The following CWC25 variants were observed in gnomAD, a reference collection of about 807,000 sequenced individuals.
The protein encoded by CWC25 is CWC25 spliceosome associated protein, also known as pre-mRNA-splicing factor CWC25 homolog.
Under a neutral mutation model 54.6 loss-of-function variants are expected in CWC25, and 31 were observed. That is an observed-to-expected ratio of 0.57 (90% CI 0.43 to 0.77). CWC25 has a LOEUF of 0.77. CWC25 is among the 30% of genes least tolerant of loss of function. The pLI is 0.00. For synonymous variants in CWC25, 151 were observed against 187.0 expected, an observed-to-expected ratio of 0.81 and a Z score of 1.57; for missense variants, 453 against 529.3, an observed-to-expected ratio of 0.86 and a Z score of 1.41.
chr17:38,822,934 T>C (rs986234396), intron 1 of CWC25, among the ~76,000 whole-genome samples: 14 of 149,522 alleles, frequency 9.4e-5, no homozygotes, highest in Non-Finnish European at 1.9e-4. Flanking sequence ...ACCTTCCAGG[T>C]TCACGCCATT....
intron 6 of CWC25, among the ~76,000 whole-genome samples, 164 bp downstream of exon 6, chr17:38,809,538 C>T (rs1911400939): frequency 6.6e-6 from 1 of 152,116 alleles, no homozygotes; most frequent in African/African-American, 2.4e-5. Flanking sequence ...GGTTTAGTCT[C>T]TCTGCTCAGA....
intron 3 of CWC25, among the ~76,000 whole-genome samples, 161 bp downstream of exon 3, chr17:38,814,700 C>T (rs887803114): frequency 7.0e-6 from 1 of 143,396 alleles, no homozygotes; most frequent in Non-Finnish European, 1.5e-5. Flanking sequence ...GAGCAGAGAT[C>T]GCGCCACTGC....
chr17:38,810,497 G>A lies in CWC25; in HGVS notation c.597C>T (p.Ser199=), dbSNP rs748558854. 6.9e-6 allele frequency: 11 copies of A among 1,605,270 alleles called. No homozygotes were observed. Among genetic ancestry groups the A allele is most frequent in the Admixed American group, 3.4e-5 (2 of 58,848 alleles). Reference sequence around the variant, plus strand: ...CTGCACTGTGCTCATCCTCGCTGCTGGAACGATCACTACTCGAGCTTCTGT... The same window carrying A: ...CTGCACTGTGCTCATCCTCGCTGCTAGAACGATCACTACTCGAGCTTCTGT... ...HKHRSSSSDR[S]SSEDEHSAGR... is the part of the protein sequence containing the mutation. Residue 199 remains serine, a synonymous_variant, in exon 5 of 10, where the codon TCC becomes TCT. Coordinates refer to ENST00000614790, the MANE Select transcript of CWC25 (RefSeq NM_017748.5).
intron 1 of CWC25, 95 bp downstream of exon 1, chr17:38,825,071 G>T: frequency 8.5e-7 from 1 of 1,177,518 alleles, no homozygotes; most frequent in Non-Finnish European, 1.2e-6. Context: ...GCAAAGCTGC[G>T]TTGCCATGGT....
At chr17:38,816,704 A>T (rs535689705) in intron 2 of CWC25, among the ~76,000 whole-genome samples, 127 of 150,486 alleles carry the variant, frequency 8.4e-4, no homozygotes, top group African/African-American at 3.0e-3. Flanking sequence ...TTTTTCCCCC[A>T]GACAGAGTTT....
chr17:38,808,497 G>A (rs1911347378), intron 6 of CWC25, among the ~76,000 whole-genome samples: 1 of 135,880 alleles, frequency 7.4e-6, no homozygotes, highest in African/African-American at 2.7e-5. Flanking sequence ...ACAGAAATAT[G>A]AGGCCAGGCA....
chr17:38,815,747 A>C (rs1450965760), intron 2 of CWC25: 14 of 1,151,154 alleles, frequency 1.2e-5, no homozygotes, highest in Non-Finnish European at 1.5e-5. Flanking sequence ...ATGACCTAAA[A>C]CAATGAATAA....
At chr17:38,824,862 C>G (rs1302569844) in intron 1 of CWC25, among the ~76,000 whole-genome samples, 1 of 152,076 alleles carries the variant, frequency 6.6e-6, no homozygotes, top group Non-Finnish European at 1.5e-5. Context: ...TATCTACCTC[C>G]TTTCCTAGCC....
intron 2 of CWC25, among the ~76,000 whole-genome samples, chr17:38,819,010 T>TTTCC (rs1911816243): frequency 8.5e-6 from 1 of 117,048 alleles, no homozygotes; most frequent in Non-Finnish European, 2.0e-5. Context: ...AAAATCAATT[T>TTTCC]TTACTTATTT....
intron 5 of CWC25, among the ~76,000 whole-genome samples, chr17:38,810,053 G>C (rs973972300): frequency 2.0e-5 from 3 of 151,972 alleles, no homozygotes; most frequent in African/African-American, 7.3e-5. Context: ...CTCAGCAGCG[G>C]CGGAGCTGAC....
intron 2 of CWC25, chr17:38,815,655 C>T: frequency 7.8e-7 from 1 of 1,288,472 alleles, no homozygotes; most frequent in Non-Finnish European, 1.0e-6. Context: ...AACCAGTGTT[C>T]CTCAACATGG....
chr17:38,810,060 T>C (rs982668737), intron 5 of CWC25, among the ~76,000 whole-genome samples: 2 of 152,090 alleles, frequency 1.3e-5, no homozygotes, highest in Admixed American at 1.3e-4. Context: ...GCGGCGGAGC[T>C]GACTGCTTCC....
At chr17:38,808,862 C>T (rs1911362416) in intron 6 of CWC25, among the ~76,000 whole-genome samples, 1 of 150,658 alleles carries the variant, frequency 6.6e-6, no homozygotes, top group Non-Finnish European at 1.5e-5. Context: ...AGGAGAATTG[C>T]TTGAACCCAG....
chr17:38,803,554 G>A (rs561844435), intron 8 of CWC25, among the ~76,000 whole-genome samples: 34 of 151,928 alleles, frequency 2.2e-4, no homozygotes, highest in South Asian at 6.2e-4. Flanking sequence ...CGCTTGAACC[G>A]AGGAGGCGGA....
chr17:38,813,216 C>G (rs1258673899), intron 3 of CWC25, among the ~76,000 whole-genome samples: 1 of 151,554 alleles, frequency 6.6e-6, no homozygotes. Flanking sequence ...AATCCCAGCA[C>G]TTTGGGAGGC....
Position 38,810,165 on chromosome 17 carries a change from G to A in CWC25, c.626+303C>T, listed in dbSNP as rs191024583. On this transcript the variant is annotated intron_variant, in intron 5 of 9. Coordinates refer to ENST00000614790, the MANE Select transcript of CWC25 (RefSeq NM_017748.5). ...TTCAGTCTTGAAGGAATCCTAAGCT[G>A]AGATGAAACAGAGTCACCCCCAGGA... is the stretch of plus-strand genomic sequence containing the variant. The A allele has an allele frequency of 2.3e-5, 10 of 440,788 alleles. No homozygotes were observed. The Admixed American group carries it at 3.2e-4, about 14-fold the overall frequency. 27.3% of individuals were successfully genotyped at this position (440,788 alleles called of 1,614,324 possible).
chr17:38,800,950 ATTT>A lies in CWC25; in HGVS notation c.*1139_*1141del, dbSNP rs1207377148. ...AGGCGCCCGCCACCACGCCCGGCTA[ATTT>A]TTTGTATTTTTTTAGTAGAGACGGG... On this transcript the variant is annotated 3_prime_UTR_variant, in exon 10 of 10. Coordinates refer to ENST00000614790, the MANE Select transcript of CWC25 (RefSeq NM_017748.5). 1 of 142,998 alleles carries A rather than the reference ATTT, an allele frequency of 7.0e-6. No homozygotes were observed. Among genetic ancestry groups the A allele is most frequent in the Non-Finnish European group, 1.6e-5 (1 of 64,310 alleles). The allele number at this position is 142,998 out of a possible 1,614,324, so 8.9% of individuals were successfully genotyped here. A position where few individuals can be genotyped will look rare whatever the true frequency, so the allele number is the denominator to read the frequency against.
In CWC25 at chr17:38,801,291, C is replaced by T. The variant is rs1032574290; in HGVS notation, c.*801G>A. ...TTTTACTATACCTTTACACTGCCTA[C>T]ATTGGAGACTGCAAGCAGTGGAAAA... On this transcript the variant is annotated 3_prime_UTR_variant, in exon 10 of 10. Transcript: ENST00000614790. 6.6e-6 allele frequency: 1 copy of T among 152,144 alleles called. No homozygotes were observed. Among genetic ancestry groups the T allele is most frequent in the African/African-American group, 2.4e-5 (1 of 41,426 alleles). The allele number at this position is 152,144 out of a possible 1,614,324, so 9.4% of individuals were successfully genotyped here.
chr17:38,807,095 G>T lies in CWC25; in HGVS notation c.691-119C>A, dbSNP rs1433378031. ...CCAGCACTTTGGGAGGCCGAGGCGG[G>T]GGGGATCACCTGAGGTCAGGAGTTC... On this transcript the variant is annotated intron_variant, in intron 6 of 9. Coordinates refer to ENST00000614790, the MANE Select transcript of CWC25 (RefSeq NM_017748.5). 5.8e-6 allele frequency: 4 copies of T among 689,380 alleles called. No individual in the cohort carries two copies. In the East Asian group the frequency reaches 1.2e-4, roughly 20 times the overall value. The allele number at this position is 689,380 out of a possible 1,614,324, so 42.7% of individuals were successfully genotyped here. A position where few individuals can be genotyped will look rare whatever the true frequency, so the allele number is the denominator to read the frequency against.
Sources: gnomAD v4.1 joint callset for allele counts (sites outside exome capture counted in the v4.1 genomes callset) on GRCh38, gnomAD v4.1.1 for gene constraint, MANE v1.5 for transcripts, NCBI Gene and HGNC (gene_info 2026-07-23, HGNC 2026-07-21) for gene names.